The following MSRB3 variants were observed in gnomAD, a reference collection of about 807,000 sequenced individuals.
The protein encoded by MSRB3 is methionine-R-sulfoxide reductase B3.
Under a neutral mutation model 21.0 loss-of-function variants are expected in MSRB3, and 13 were observed. The observed-to-expected ratio is 0.62, with a 90% confidence interval of 0.40 to 0.98. The LOEUF is 0.98. Among genes scored for constraint, MSRB3 ranks in the 50% least tolerant of loss-of-function variants. MSRB3 has a pLI of 0.00. For missense variants in MSRB3, 199 were observed against 230.3 expected, an observed-to-expected ratio of 0.86 and a Z score of 0.88; for synonymous variants, 87 against 88.6, an observed-to-expected ratio of 0.98 and a Z score of 0.10.
chr12:65,354,513 G>T (rs1425133837), intron 4 of MSRB3, among the ~76,000 whole-genome samples: 2 of 151,824 alleles, frequency 1.3e-5, no homozygotes, highest in South Asian at 4.2e-4. Context: ...CCAGTTGATC[G>T]AATCGGCTAC....
At chr12:65,420,736 T>G (rs1881248070) in intron 5 of MSRB3, among the ~76,000 whole-genome samples, 1 of 152,218 alleles carries the variant, frequency 6.6e-6, no homozygotes. Flanking sequence ...GTATTTGGTT[T>G]TCTGTTCTTG....
chr12:65,285,112 GT>G (rs1421217296), intron 1 of MSRB3: 11 of 152,154 alleles, frequency 7.2e-5, no homozygotes, highest in African/African-American at 2.7e-4. Context: ...GTCCTTTATG[GT>G]TACTTTTTGT....
intron 4 of MSRB3, among the ~76,000 whole-genome samples, chr12:65,360,570 C>T (rs773182709): frequency 6.6e-6 from 1 of 152,008 alleles, no homozygotes; most frequent in Non-Finnish European, 1.5e-5. Flanking sequence ...CCTTTTCGTC[C>T]CCTCACACTT....
intron 5 of MSRB3, among the ~76,000 whole-genome samples, chr12:65,420,383 T>C (rs1297256990): frequency 6.7e-6 from 1 of 149,792 alleles, no homozygotes; most frequent in African/African-American, 2.4e-5. Flanking sequence ...GAGTCACTTG[T>C]GGTTTCATGC....
chr12:65,373,527 T>C (rs1298295129), intron 5 of MSRB3, among the ~76,000 whole-genome samples: 4 of 151,978 alleles, frequency 2.6e-5, no homozygotes, highest in Non-Finnish European at 5.9e-5. Context: ...TTTTTTTTTC[T>C]ATAGAGTCAT....
Position 65,463,477 on chromosome 12 carries a change from C to T in MSRB3, c.*155C>T, listed in dbSNP as rs1034098241. On this transcript the variant is annotated 3_prime_UTR_variant, in exon 7 of 7. Coordinates refer to ENST00000308259, the MANE Select transcript of MSRB3 (RefSeq NM_001031679.3). Reference sequence around the variant, plus strand: ...TCTTTTGCTTAAACAGAAGCCCTGGCCATCCATGTATTTTGCAATTGACTA... The same window carrying T: ...TCTTTTGCTTAAACAGAAGCCCTGGTCATCCATGTATTTTGCAATTGACTA... 34 of 888,858 alleles carry T rather than the reference C, an allele frequency of 3.8e-5. No individual in the cohort carries two copies. Among genetic ancestry groups the T allele is most frequent in the Non-Finnish European group, 5.5e-5 (33 of 595,326 alleles). The allele number at this position is 888,858 out of a possible 1,614,324, so 55.1% of individuals were successfully genotyped here.
At chr12:65,440,261 T>A (rs1317812752) in intron 5 of MSRB3, among the ~76,000 whole-genome samples, 1 of 151,758 alleles carries the variant, frequency 6.6e-6, no homozygotes, top group Non-Finnish European at 1.5e-5. Flanking sequence ...GAACTCTTTT[T>A]AACTAAGTCT....
intron 5 of MSRB3, among the ~76,000 whole-genome samples, chr12:65,446,698 G>C (rs758718980): frequency 4.0e-5 from 6 of 150,344 alleles, no homozygotes; most frequent in Non-Finnish European, 8.9e-5. Context: ...GGGGTAGGGA[G>C]CCTTTAGAAA....
At chr12:65,345,701 A>G (rs1212881595) in intron 4 of MSRB3, among the ~76,000 whole-genome samples, 1 of 152,114 alleles carries the variant, frequency 6.6e-6, no homozygotes, top group African/African-American at 2.4e-5. Flanking sequence ...ATTTAACATT[A>G]GGTATATCTC....
intron 5 of MSRB3, among the ~76,000 whole-genome samples, chr12:65,426,610 C>T (rs1197276087): frequency 6.6e-6 from 1 of 152,164 alleles, no homozygotes; most frequent in Non-Finnish European, 1.5e-5. Context: ...GGAAAGATTT[C>T]TGCTATTATT....
intron 4 of MSRB3, among the ~76,000 whole-genome samples, chr12:65,346,161 C>T (rs1395885068): frequency 1.3e-5 from 2 of 152,176 alleles, no homozygotes; most frequent in Non-Finnish European, 2.9e-5. Flanking sequence ...AATCGCCACA[C>T]TGACTTCCAC....
intron 1 of MSRB3, chr12:65,285,449 G>A (rs916268550): frequency 6.6e-6 from 1 of 152,178 alleles, no homozygotes; most frequent in African/African-American, 2.4e-5. Flanking sequence ...TTGAGGGAAT[G>A]TATTTTATGA....
chr12:65,291,241 A>G (rs1443315925), intron 1 of MSRB3, among the ~76,000 whole-genome samples: 1 of 151,826 alleles, frequency 6.6e-6, no homozygotes, highest in Non-Finnish European at 1.5e-5. Context: ...GCCTGCCACC[A>G]TGTCTGGGTA....
chr12:65,316,285 C>G (rs1874291593), intron 2 of MSRB3: 1 of 151,844 alleles, frequency 6.6e-6, no homozygotes, highest in South Asian at 2.1e-4. Context: ...TATTATATTA[C>G]ATATTAGCTG....
intron 5 of MSRB3, among the ~76,000 whole-genome samples, chr12:65,438,214 C>T (rs1335073331): frequency 6.6e-6 from 1 of 151,768 alleles, no homozygotes; most frequent in Non-Finnish European, 1.5e-5. Context: ...TCATGATTTC[C>T]CACCTAAACA....
At chr12:65,320,201 T>A (rs1212340211) in intron 2 of MSRB3, among the ~76,000 whole-genome samples, 1 of 152,192 alleles carries the variant, frequency 6.6e-6, no homozygotes, top group Non-Finnish European at 1.5e-5. Flanking sequence ...TATAAAGATA[T>A]GATTTTTCTT....
chr12:65,299,469 A>G (rs1189680808), intron 1 of MSRB3, among the ~76,000 whole-genome samples: 4 of 152,158 alleles, frequency 2.6e-5, no homozygotes, highest in Non-Finnish European at 4.4e-5. Context: ...ATTTCTCAGG[A>G]GGGAAGAGGA....
intron 5 of MSRB3, among the ~76,000 whole-genome samples, chr12:65,423,535 G>A (rs914442647): frequency 6.6e-6 from 1 of 152,026 alleles, no homozygotes; most frequent in Non-Finnish European, 1.5e-5. Context: ...CTAATTTGTT[G>A]AGAGCTTTTA....
intron 4 of MSRB3, among the ~76,000 whole-genome samples, chr12:65,345,906 G>A (rs1422821687): frequency 2.0e-5 from 3 of 152,046 alleles, no homozygotes; most frequent in South Asian, 2.1e-4. Flanking sequence ...TACAAAGGAC[G>A]TGAAATCATC....
Sources: gnomAD v4.1 joint callset for allele counts (sites outside exome capture counted in the v4.1 genomes callset) on GRCh38, gnomAD v4.1.1 for gene constraint, MANE v1.5 for transcripts, NCBI Gene and HGNC (gene_info 2026-07-23, HGNC 2026-07-21) for gene names.